ADAMTSL1: variants seen among roughly 807,000 people sequenced by gnomAD.
ADAMTSL1 encodes the protein ADAMTS-like protein 1.
Under a neutral mutation model 201.8 loss-of-function variants are expected in ADAMTSL1, and 126 were observed. The ratio of observed to expected loss-of-function variants is 0.62; its 90% confidence interval spans 0.54 to 0.72. ADAMTSL1 has a LOEUF of 0.72. Among genes scored for constraint, ADAMTSL1 ranks in the 30% least tolerant of loss-of-function variants. The probability of loss-of-function intolerance (pLI) is 0.00; values close to 1 mark genes in which losing one functional copy is unlikely to be tolerated. For synonymous variants in ADAMTSL1, 1,121 were observed against 903.4 expected (o/e 1.24, Z -4.32); for missense variants, 2,679 against 2,277.8 (o/e 1.18, Z -3.59).
intron 1 of ADAMTSL1, among the ~76,000 whole-genome samples, chr9:18,160,702 A>G (rs972341126): frequency 2.0e-5 from 3 of 150,788 alleles, no homozygotes; most frequent in Admixed American, 1.3e-4. Flanking sequence ...TTTTTTTGAG[A>G]AAGGTCTATT....
chr9:18,250,564 A>G (rs1449911440), intron 2 of ADAMTSL1, among the ~76,000 whole-genome samples: 1 of 151,922 alleles, frequency 6.6e-6, no homozygotes, highest in Middle Eastern at 3.2e-3. Flanking sequence ...GCCCTAGAAA[A>G]CCTGGGAATC....
At chr9:18,453,710 G>A (rs1820500733) in intron 2 of ADAMTSL1, among the ~76,000 whole-genome samples, 1 of 152,076 alleles carries the variant, frequency 6.6e-6, no homozygotes, top group Non-Finnish European at 1.5e-5. Flanking sequence ...AGTCCTACAG[G>A]ATGGAAATAA....
In ADAMTSL1 at chr9:18,269,845, CTTT is replaced by C. The variant is rs11376831; in HGVS notation, c.207+105877_207+105879del. ...GCAGAGAGTTTGTTTCCTCTTCATCCTTTTTTTTTTTTTTTAATTTGTGCATCC... is the reference window on the plus strand; with the variant it reads ...GCAGAGAGTTTGTTTCCTCTTCATCCTTTTTTTTTTTTAATTTGTGCATCC... On this transcript the variant is annotated intron_variant, in intron 2 of 29. Transcript: ENST00000680146. Among the ~76,000 whole-genome samples, 534 of 145,490 alleles carry C rather than the reference CTTT, an allele frequency of 3.7e-3. 2 individuals are homozygous for C. Among genetic ancestry groups the C allele is most frequent in the Middle Eastern group, 7.4e-3 (2 of 270 alleles).
chr9:18,366,686 G>T (rs1175670829), intron 2 of ADAMTSL1, among the ~76,000 whole-genome samples: 6 of 124,044 alleles, frequency 4.8e-5, no homozygotes, highest in Non-Finnish European at 4.8e-5. Flanking sequence ...GTCTCAGTCT[G>T]TCACCCAGGC....
At position 18,504,830 on chromosome 9, in the gene ADAMTSL1, G is replaced by A; in HGVS notation, c.65G>A (p.Ser22Asn). Residue 22 changes from serine (S) to asparagine (N), a missense_variant and splice_region_variant, in exon 2 of 29, where the codon AGT becomes AAT. By Grantham distance (46) the Ser-to-Asn change is conservative (BLOSUM62 1). Coordinates refer to ENST00000380548, the MANE Select transcript of ADAMTSL1 (RefSeq NM_001040272.6). ...LLLFLAFLLL[S>N]SRTARSEEDR... is the part of the protein sequence containing the mutation. Reference sequence around the variant, plus strand: ...TGACCATTCTTTTGTTTCTCACAGAGTTCCAGGACCGCACGCTCCGAGGAG... The same window carrying A: ...TGACCATTCTTTTGTTTCTCACAGAATTCCAGGACCGCACGCTCCGAGGAG... 1.2e-6 allele frequency: 2 copies of A among 1,614,190 alleles called. No homozygotes were observed. Among genetic ancestry groups the A allele is most frequent in the South Asian group, 1.1e-5 (1 of 91,092 alleles).
At chr9:18,257,844 A>T (rs1375043365) in intron 2 of ADAMTSL1, among the ~76,000 whole-genome samples, 1 of 152,252 alleles carries the variant, frequency 6.6e-6, no homozygotes, top group African/African-American at 2.4e-5. Context: ...AATGAATCTT[A>T]CAAATATGCT....
intron 27 of ADAMTSL1, 82 bp downstream of exon 27, chr9:18,905,973 C>A: frequency 1.6e-6 from 2 of 1,253,394 alleles, no homozygotes; most frequent in South Asian, 1.4e-5. Flanking sequence ...GTTTCTCCTC[C>A]AACTAACTTA....
chr9:18,148,255 A>G (rs1206288890), intron 1 of ADAMTSL1, among the ~76,000 whole-genome samples: 1 of 152,038 alleles, frequency 6.6e-6, no homozygotes, highest in Admixed American at 6.6e-5. Flanking sequence ...TACATAGTAT[A>G]AACAAATGGA....
In ADAMTSL1 at chr9:18,108,195, A is replaced by AT. The variant is rs1824845710; in HGVS notation, c.88-55667_88-55666insT. 1.4e-4 allele frequency among the ~76,000 whole-genome samples: 19 copies of AT among 133,364 alleles called. 1 individual carries two copies. In the South Asian group the frequency reaches 4.1e-3, roughly 29 times the overall value. 87.5% of individuals were successfully genotyped at this position (133,364 alleles called of 152,430 possible). A position where few individuals can be genotyped will look rare whatever the true frequency, so the allele number is the denominator to read the frequency against. ...TTAACTCTTAAAAGCAAGAGTGTGG[A>AT]ATTTTTTTTTTTTTTTTTTTTTTGA... On this transcript the variant is annotated intron_variant, in intron 1 of 29. Transcript: ENST00000680146.
chr9:18,574,189 G>A lies in ADAMTSL1; in HGVS notation c.397G>A (p.Glu133Lys), dbSNP rs748918808. ...AGCCAAAGGAACAACCCTGGTTGTT[G>A]AACTAGCACCTAAGGTCTTAGATGG... ...CQAKGTTLVV[E>K]LAPKVLDGTR... is the part of the protein sequence containing the mutation. Residue 133 changes from glutamate (E) to lysine (K), a missense_variant, in exon 4 of 29, where the codon GAA becomes AAA. Transcript: ENST00000380548. The A allele has an allele frequency of 4.3e-5, 69 of 1,614,112 alleles. No homozygotes were observed. In the East Asian group the frequency reaches 1.5e-3, roughly 36 times the overall value.
At chr9:18,884,743 C>A (rs912118455) in intron 23 of ADAMTSL1, among the ~76,000 whole-genome samples, 1 of 152,048 alleles carries the variant, frequency 6.6e-6, no homozygotes, top group Non-Finnish European at 1.5e-5. Flanking sequence ...CTATTCTGTT[C>A]TTTTGTTCTC....
intron 1 of ADAMTSL1, among the ~76,000 whole-genome samples, chr9:18,032,065 T>G (rs1820982860): frequency 6.6e-6 from 1 of 152,194 alleles, no homozygotes; most frequent in African/African-American, 2.4e-5. Flanking sequence ...CCAGCTAGAT[T>G]TGTACCAAGC....
chr9:18,236,301 C>T (rs188700735), intron 2 of ADAMTSL1, among the ~76,000 whole-genome samples: 2 of 152,158 alleles, frequency 1.3e-5, no homozygotes, highest in Non-Finnish European at 2.9e-5. Flanking sequence ...GTCTTGAATG[C>T]CTGACCCCGT....
chr9:18,282,874 G>T (rs1029641812), intron 2 of ADAMTSL1, among the ~76,000 whole-genome samples: 103 of 152,268 alleles, frequency 6.8e-4, no homozygotes, highest in African/African-American at 2.4e-3. Flanking sequence ...TCCAGCCTGG[G>T]CAACAAGAGT....
chr9:18,865,172 T>C (rs1393667072), intron 23 of ADAMTSL1, among the ~76,000 whole-genome samples: 1 of 152,164 alleles, frequency 6.6e-6, no homozygotes, highest in South Asian at 2.1e-4. Flanking sequence ...GTATATCTCC[T>C]AATGCTATCC....
At chr9:18,526,629 G>T (rs902249846) in intron 2 of ADAMTSL1, among the ~76,000 whole-genome samples, 2 of 152,124 alleles carry the variant, frequency 1.3e-5, no homozygotes, top group African/African-American at 4.8e-5. Flanking sequence ...TTTAGGGCAG[G>T]CCTTGTGGTA....
chr9:18,308,157 C>A (rs946668267), intron 2 of ADAMTSL1, among the ~76,000 whole-genome samples: 1 of 152,080 alleles, frequency 6.6e-6, no homozygotes, highest in Non-Finnish European at 1.5e-5. Flanking sequence ...AGAACAAAGA[C>A]ACAATGCACC....
intron 1 of ADAMTSL1, among the ~76,000 whole-genome samples, chr9:17,991,619 C>G (rs80032922): frequency 0.011 from 1,659 of 152,200 alleles, 11 homozygotes; most frequent in Non-Finnish European, 0.014. Flanking sequence ...CTCCAATGTC[C>G]TACTGCATTG....
At chr9:18,642,437 A>G (rs1340595134) in intron 7 of ADAMTSL1, among the ~76,000 whole-genome samples, 1 of 152,054 alleles carries the variant, frequency 6.6e-6, no homozygotes, top group African/African-American at 2.4e-5. Context: ...TTTTGTGTTG[A>G]GAACACTTAA....
Sources: gnomAD v4.1 joint callset for allele counts (sites outside exome capture counted in the v4.1 genomes callset) on GRCh38, gnomAD v4.1.1 for gene constraint, MANE v1.5 for transcripts, NCBI Gene and HGNC (gene_info 2026-07-23, HGNC 2026-07-21) for gene names.